NIPBL: variants seen among roughly 807,000 people sequenced by gnomAD.
NIPBL encodes the protein NIPBL cohesin loading factor.
In NIPBL, 19 loss-of-function variants were observed where a neutral mutation model predicts 321.8. The observed-to-expected ratio is 0.06, with a 90% CI of 0.04 to 0.09. The LOEUF (loss-of-function observed/expected upper bound fraction) is 0.09, where lower values mean the gene tolerates loss of function less well. Ranked by LOEUF, NIPBL falls within the 10% of genes least tolerant of loss-of-function variation. The pLI is 1.00. For missense variants in NIPBL, 2,210 were observed against 3,327.0 expected (o/e 0.66, Z 8.26); for synonymous variants, 1,106 against 1,114.1 (o/e 0.99, Z 0.14).
chr5:37,009,998 AAC>A (rs1747915942), intron 20 of NIPBL, 87 bp from the exon 21 acceptor site: 11 of 1,021,962 alleles, frequency 1.1e-5, no homozygotes, highest in Non-Finnish European at 1.5e-5. Context: ...AATATTGGCA[AAC>A]ACAGTATCGT....
At chr5:37,022,465 T>G in intron 29 of NIPBL, 75 bp downstream of exon 29, 2 of 1,319,130 alleles carry the variant, frequency 1.5e-6, no homozygotes, top group Non-Finnish European at 2.1e-6. Context: ...TTTAAAGTGT[T>G]AAGTTAGAAA....
chr5:36,985,590 A>G lies in NIPBL; in HGVS notation c.2410A>G (p.Arg804Gly). The G allele has an allele frequency of 6.2e-7, 1 of 1,613,964 alleles. No homozygotes were observed. Among genetic ancestry groups the G allele is most frequent in the South Asian group, 1.1e-5 (1 of 91,082 alleles). The stretch of plus-strand genomic sequence containing the variant: ...AGAACGAGCTGAAGCCTTAAAGCAG[A>G]GACCTGATGGGCGATCTGTTTCTGA... ...KSERAEALKQ[R>G]PDGRSVSESL... Residue 804 changes from arginine (R) to glycine (G), a missense_variant, in exon 10 of 47, where the codon AGA becomes GGA. By Grantham distance (125) the Arg-to-Gly change is moderately radical (BLOSUM62 -2). Around this residue, in one of 14 missense-constraint regions of NIPBL, gnomAD observed 588 missense variants for 564.1 expected, o/e 1.04. Coordinates refer to ENST00000282516, the MANE Select transcript of NIPBL (RefSeq NM_133433.4).
chr5:36,991,553 A>G (rs1745517482), intron 10 of NIPBL, among the ~76,000 whole-genome samples: 1 of 152,114 alleles, frequency 6.6e-6, no homozygotes, highest in Non-Finnish European at 1.5e-5. Context: ...CCTGCCCCCT[A>G]CTTTTCTGTA....
At position 36,877,013 on chromosome 5, in the gene NIPBL, A is replaced by G; in HGVS notation, c.-245A>G. 1 of 375,406 alleles carries G rather than the reference A, an allele frequency of 2.7e-6. No individual in the cohort carries two copies. The highest frequency in any genetic ancestry group is 4.7e-6 in the Non-Finnish European group (1 of 211,216). The allele number at this position is 375,406 out of a possible 1,614,324, so 23.3% of individuals were successfully genotyped here. On this transcript the variant is annotated 5_prime_UTR_variant, in exon 1 of 47. Coordinates refer to ENST00000282516, the MANE Select transcript of NIPBL (RefSeq NM_133433.4). Reference sequence around the variant, plus strand: ...GGGAGAAGGAGGAGGAGGAGGAAGAAGAAGCAACGATTTGTCTTCTCGGCT... The same window carrying G: ...GGGAGAAGGAGGAGGAGGAGGAAGAGGAAGCAACGATTTGTCTTCTCGGCT...
rs58831894 is a variant in NIPBL at position 37,032,386 on chromosome 5, CGTGTGTGTGTGTGTGTGT to C, written c.5863-3958_5863-3941del. 7.6e-3 allele frequency among the ~76,000 whole-genome samples: 945 copies of C among 123,590 alleles called. 12 individuals are homozygous for C. Among genetic ancestry groups the C allele is most frequent in the African/African-American group, 0.026 (867 of 33,950 alleles). The allele number at this position is 123,590 out of a possible 152,430, so 81.1% of individuals were successfully genotyped here. ...GTGTATGCATATGCATACATGTATA[CGTGTGTGTGTGTGTGTGT>C]GTGTGTGTGTGTGTGTGTGTGTGTG... On this transcript the variant is annotated intron_variant, in intron 32 of 46. Transcript: ENST00000282516.
rs557470889 is a variant in NIPBL, at chr5:36,975,739, C to T, written c.869-37C>T. On this transcript the variant is annotated intron_variant, in intron 8 of 46. Coordinates refer to ENST00000282516, the MANE Select transcript of NIPBL (RefSeq NM_133433.4). ...ATCACATTGTAAGAAAATGTGAAACCACCACAACTGTTACTTCTATCGAAT... is the reference window on the plus strand; with the variant it reads ...ATCACATTGTAAGAAAATGTGAAACTACCACAACTGTTACTTCTATCGAAT... 17 of 1,604,452 alleles carry T rather than the reference C, an allele frequency of 1.1e-5. No homozygotes were observed. The Admixed American group carries it at 1.5e-4, about 14-fold the overall frequency.
chr5:36,926,815 T>C (rs1340537006), intron 1 of NIPBL, among the ~76,000 whole-genome samples: 3 of 152,344 alleles, frequency 2.0e-5, no homozygotes, highest in Non-Finnish European at 2.9e-5. Flanking sequence ...CATGTGGTTT[T>C]TAATCTGCCA....
chr5:36,877,185 T>C lies in NIPBL; in HGVS notation c.-80+7T>C. ...CAGACGCCGATTCGCCCAGGTAAAT[T>C]CCTGCTCTTTATTTCGGCGGCGGCG... On this transcript the variant is annotated splice_region_variant and intron_variant, in intron 1 of 46. Coordinates refer to ENST00000282516, the MANE Select transcript of NIPBL (RefSeq NM_133433.4). 4.4e-6 allele frequency: 1 copy of C among 228,718 alleles called. No homozygotes were observed. The allele number at this position is 228,718 out of a possible 1,614,324, so 14.2% of individuals were successfully genotyped here.
At chr5:36,959,860 A>G (rs1459402775) in intron 4 of NIPBL, among the ~76,000 whole-genome samples, 2 of 152,004 alleles carry the variant, frequency 1.3e-5, no homozygotes, top group African/African-American at 4.8e-5. Context: ...AAAAGCATAA[A>G]CTAGCATTTA....
chr5:36,971,163 G>A, intron 7 of NIPBL, 127 bp downstream of exon 7: 5 of 782,188 alleles, frequency 6.4e-6, no homozygotes, highest in South Asian at 6.0e-5. Context: ...AGTACAACAT[G>A]GCTCCTGCAC....
rs868351400 is a variant in NIPBL at position 37,054,012 on chromosome 5, A to T, written c.7263+1446A>T. On this transcript the variant is annotated intron_variant, in intron 42 of 46. Transcript: ENST00000282516. ...GGAGTTCGAGACCAGCCTGACCAAC[A>T]TGGTGAAACCCCATCTCTACTAAAA... 2.6e-5 allele frequency among the ~76,000 whole-genome samples: 4 copies of T among 152,218 alleles called. No individual in the cohort carries two copies. The South Asian group carries it at 8.3e-4, about 32-fold the overall frequency.
chr5:36,961,709 G>A (rs939440239), intron 5 of NIPBL, 126 bp downstream of exon 5: 1 of 744,030 alleles, frequency 1.3e-6, no homozygotes, highest in Non-Finnish European at 2.4e-6. Context: ...TACTTAAATA[G>A]TAATCCACTT....
intron 32 of NIPBL, among the ~76,000 whole-genome samples, 194 bp downstream of exon 32, chr5:37,027,606 T>TG (rs1299344510): frequency 7.3e-6 from 1 of 136,104 alleles, no homozygotes; most frequent in African/African-American, 2.8e-5. Context: ...GGTTGTGGTT[T>TG]TTTTTTTTTT....
chr5:36,954,144 A>G (rs1471769473), intron 2 of NIPBL, among the ~76,000 whole-genome samples: 1 of 152,212 alleles, frequency 6.6e-6, no homozygotes, highest in African/African-American at 2.4e-5. Flanking sequence ...ACAAAAAGCT[A>G]CCTACAATTT....
At chr5:36,915,138 T>C (rs1221734336) in intron 1 of NIPBL, among the ~76,000 whole-genome samples, 1 of 152,084 alleles carries the variant, frequency 6.6e-6, no homozygotes, top group Admixed American at 6.6e-5. Flanking sequence ...AATTCTAATG[T>C]AGTTCTTAAA....
intron 11 of NIPBL, among the ~76,000 whole-genome samples, chr5:36,998,393 A>G (rs1031544120): frequency 5.3e-5 from 8 of 152,284 alleles, no homozygotes; most frequent in Admixed American, 3.3e-4. Flanking sequence ...AGCATATTCT[A>G]TGTAATTACA....
intron 1 of NIPBL, among the ~76,000 whole-genome samples, chr5:36,934,956 C>T (rs894031811): frequency 5.9e-5 from 9 of 152,088 alleles, no homozygotes; most frequent in African/African-American, 1.9e-4. Context: ...ACTCACCATG[C>T]GCGTTGAATG....
intron 34 of NIPBL, among the ~76,000 whole-genome samples, chr5:37,041,523 C>T (rs529574674): frequency 4.6e-5 from 7 of 151,640 alleles, no homozygotes; most frequent in African/African-American, 4.8e-5. Flanking sequence ...CCTTGGCCTC[C>T]CAAAGTACTG....
At chr5:37,051,940 C>T (rs1205519966) in intron 41 of NIPBL, 54 bp downstream of exon 41, 2 of 1,266,398 alleles carry the variant, frequency 1.6e-6, no homozygotes, top group South Asian at 1.2e-5. Flanking sequence ...TTGAGTAAAG[C>T]ATTTCTTTGA....
Sources: gnomAD v4.1 joint callset for allele counts (sites outside exome capture counted in the v4.1 genomes callset) on GRCh38, gnomAD v4.1.1 for gene constraint, gnomAD v4.1.1 regional missense constraint, MANE v1.5 for transcripts, NCBI Gene and HGNC (gene_info 2026-07-23, HGNC 2026-07-21) for gene names.